Variants in ZNF385D observed in about 807,000 individuals in gnomAD.
ZNF385D encodes the protein zinc finger protein 659.
In ZNF385D, 15 loss-of-function variants were observed where a neutral mutation model predicts 35.8. The ratio of observed to expected loss-of-function variants is 0.42; its 90% CI spans 0.28 to 0.64. The LOEUF (loss-of-function observed/expected upper bound fraction) is 0.64. ZNF385D is among the 30% of genes least tolerant of loss of function. The pLI, the probability that ZNF385D is intolerant of heterozygous loss-of-function variation, is 0.23. For synonymous variants in ZNF385D, 212 were observed against 186.8 expected, an observed-to-expected ratio of 1.13 and a Z score of -1.10; for missense variants, 474 against 494.6, an observed-to-expected ratio of 0.96 and a Z score of 0.39.
chr3:21,953,379 C>A (rs1702151596), intron 3 of ZNF385D, among the ~76,000 whole-genome samples: 1 of 151,604 alleles, frequency 6.6e-6, no homozygotes, highest in Non-Finnish European at 1.5e-5. Flanking sequence ...GAATTCCATT[C>A]TGATTTTTCA....
At chr3:21,816,920 C>T (rs954080612) in intron 3 of ZNF385D, among the ~76,000 whole-genome samples, 1 of 152,138 alleles carries the variant, frequency 6.6e-6, no homozygotes, top group African/African-American at 2.4e-5. Flanking sequence ...ATCACACTAC[C>T]TGACTTCAAA....
intron 3 of ZNF385D, among the ~76,000 whole-genome samples, chr3:22,074,224 A>C (rs1700361968): frequency 6.8e-6 from 1 of 146,082 alleles, no homozygotes; most frequent in African/African-American, 2.8e-5. Context: ...TGCTCTGAAG[A>C]GAAAAGGCAA....
chr3:22,095,567 A>G (rs1249851886), intron 3 of ZNF385D, among the ~76,000 whole-genome samples: 7 of 152,034 alleles, frequency 4.6e-5, no homozygotes, highest in Non-Finnish European at 8.8e-5. Flanking sequence ...TCCTGTATAA[A>G]AATGCTGCAT....
At chr3:21,820,682 G>T (rs537422271) in intron 3 of ZNF385D, among the ~76,000 whole-genome samples, 3 of 150,730 alleles carry the variant, frequency 2.0e-5, no homozygotes, top group East Asian at 3.9e-4. Flanking sequence ...AAAATTTCTC[G>T]AAAGAAAAAT....
chr3:22,041,161 G>T, intron 3 of ZNF385D, among the ~76,000 whole-genome samples: 1 of 142,024 alleles, frequency 7.0e-6, no homozygotes, highest in Middle Eastern at 3.8e-3. Context: ...TCACCAAAAG[G>T]GTTGATATTT....
intron 1 of ZNF385D, among the ~76,000 whole-genome samples, chr3:21,726,570 C>T (rs1026448932): frequency 6.6e-6 from 1 of 152,136 alleles, no homozygotes; most frequent in Non-Finnish European, 1.5e-5. Flanking sequence ...AACTCTCATT[C>T]ACAATTGCTA....
chr3:21,797,806 T>C (rs1229333899), intron 3 of ZNF385D, among the ~76,000 whole-genome samples: 2 of 152,006 alleles, frequency 1.3e-5, no homozygotes, highest in Non-Finnish European at 2.9e-5. Flanking sequence ...GGAAAAACTA[T>C]GGAGATAGTG....
intron 3 of ZNF385D, among the ~76,000 whole-genome samples, chr3:22,164,125 C>T (rs1367218410): frequency 8.7e-5 from 13 of 150,174 alleles, no homozygotes; most frequent in Non-Finnish European, 1.3e-4. Flanking sequence ...AGCACTAATT[C>T]GCTTGTGAAA....
intron 3 of ZNF385D, among the ~76,000 whole-genome samples, chr3:22,148,371 T>C (rs1323277266): frequency 6.6e-6 from 1 of 152,220 alleles, no homozygotes; most frequent in Non-Finnish European, 1.5e-5. Context: ...GTGTTGGTTA[T>C]AGGACAGAAC....
At chr3:22,133,548 G>A (rs1703928699) in intron 3 of ZNF385D, 1 of 151,976 alleles carries the variant, frequency 6.6e-6, no homozygotes, top group African/African-American at 2.4e-5. Context: ...CTGCATATCT[G>A]GTTTGAGGCA....
intron 3 of ZNF385D, among the ~76,000 whole-genome samples, chr3:21,985,624 T>A (rs1051700198): frequency 2.1e-5 from 3 of 143,350 alleles, no homozygotes; most frequent in African/African-American, 8.2e-5. Flanking sequence ...TGGTCTAAAA[T>A]TCTCTTTTTT....
intron 3 of ZNF385D, among the ~76,000 whole-genome samples, chr3:21,795,045 T>C (rs112247564): frequency 3.3e-5 from 5 of 152,226 alleles, no homozygotes; most frequent in African/African-American, 1.2e-4. Flanking sequence ...TTGTATCAAA[T>C]TATTTGTACC....
intron 1 of ZNF385D, among the ~76,000 whole-genome samples, chr3:21,718,023 G>T (rs775007727): frequency 1.1e-4 from 16 of 152,164 alleles, no homozygotes; most frequent in Non-Finnish European, 1.8e-4. Context: ...GTCTGGGGAG[G>T]CACCACAGAA....
At chr3:21,561,743 TA>T (rs1413017980) in intron 3 of ZNF385D, among the ~76,000 whole-genome samples, 1 of 152,204 alleles carries the variant, frequency 6.6e-6, no homozygotes, top group East Asian at 1.9e-4. Context: ...GTTTATTAAT[TA>T]AATTTACCAT....
At chr3:21,729,675 TGA>T (rs1312054106) in intron 1 of ZNF385D, among the ~76,000 whole-genome samples, 1 of 151,776 alleles carries the variant, frequency 6.6e-6, no homozygotes, top group Non-Finnish European at 1.5e-5. Context: ...AAAAAGAAAA[TGA>T]GAGGTTTAGA....
intron 2 of ZNF385D, among the ~76,000 whole-genome samples, chr3:22,221,801 A>T (rs1385984798): frequency 6.6e-6 from 1 of 152,106 alleles, no homozygotes; most frequent in Non-Finnish European, 1.5e-5. Context: ...ATTTAAATTT[A>T]TCTTTGTGTG....
intron 2 of ZNF385D, among the ~76,000 whole-genome samples, chr3:21,614,535 G>A (rs555268741): frequency 1.3e-5 from 2 of 152,296 alleles, no homozygotes; most frequent in South Asian, 4.1e-4. Flanking sequence ...GAGGAACATG[G>A]ATGAATGGCA....
chr3:21,981,618 T>G (rs187120484), intron 3 of ZNF385D, among the ~76,000 whole-genome samples: 11 of 152,304 alleles, frequency 7.2e-5, no homozygotes, highest in South Asian at 2.1e-4. Flanking sequence ...TTTGGTGTCT[T>G]TGTCATAAAA....
chr3:21,709,006 T>C (rs570593697), intron 1 of ZNF385D, among the ~76,000 whole-genome samples: 2 of 152,280 alleles, frequency 1.3e-5, no homozygotes, highest in African/African-American at 2.4e-5. Flanking sequence ...GAAGCCACAG[T>C]GAGAGATTTA....
Sources: gnomAD v4.1 joint callset for allele counts (sites outside exome capture counted in the v4.1 genomes callset) on GRCh38, gnomAD v4.1.1 for gene constraint, MANE v1.5 for transcripts, NCBI Gene and HGNC (gene_info 2026-07-23, HGNC 2026-07-21) for gene names.